Variants in MACROD2 observed in about 807,000 individuals in gnomAD.
The protein encoded by MACROD2 is mono-ADP ribosylhydrolase 2.
Under a neutral mutation model 70.4 loss-of-function variants are expected in MACROD2, and 36 were observed. The observed-to-expected ratio is 0.51, with a 90% CI of 0.39 to 0.68. The LOEUF is 0.68. Among genes scored for constraint, MACROD2 ranks in the 30% least tolerant of loss-of-function variants. The pLI, the probability that MACROD2 is intolerant of heterozygous loss-of-function variation, is 0.00. For synonymous variants in MACROD2, 172 were observed against 178.8 expected, an observed-to-expected ratio of 0.96 and a Z score of 0.30; for missense variants, 496 against 538.4, an observed-to-expected ratio of 0.92 and a Z score of 0.78.
At chr20:15,170,235 C>T (rs2076413702) in intron 5 of MACROD2, among the ~76,000 whole-genome samples, 1 of 152,168 alleles carries the variant, frequency 6.6e-6, no homozygotes, top group East Asian at 1.9e-4. Flanking sequence ...ATGTATTGTT[C>T]AGGGTTCAAT....
intron 6 of MACROD2, among the ~76,000 whole-genome samples, chr20:15,243,581 C>A (rs1264651535): frequency 6.6e-6 from 1 of 151,630 alleles, no homozygotes; most frequent in Non-Finnish European, 1.5e-5. Context: ...GTGGGGCCAA[C>A]TTGTAGTGGT....
intron 6 of MACROD2, among the ~76,000 whole-genome samples, chr20:15,376,348 C>T (rs979595838): frequency 5.3e-5 from 8 of 152,130 alleles, no homozygotes; most frequent in African/African-American, 1.9e-4. Flanking sequence ...CCTTTGATTG[C>T]TCAGCAGGTG....
intron 8 of MACROD2, among the ~76,000 whole-genome samples, chr20:15,726,632 G>A (rs977906206): frequency 6.6e-6 from 1 of 152,138 alleles, no homozygotes. Context: ...TCTGACTGGT[G>A]TGAGATGGTA....
intron 5 of MACROD2, among the ~76,000 whole-genome samples, chr20:15,143,853 G>C (rs2076210291): frequency 1.3e-5 from 2 of 151,230 alleles, no homozygotes; most frequent in Admixed American, 6.6e-5. Flanking sequence ...CTAGAGAAGG[G>C]GTGTTCAATC....
intron 8 of MACROD2, among the ~76,000 whole-genome samples, chr20:15,612,202 G>GC (rs1296836926): frequency 6.6e-6 from 1 of 152,152 alleles, no homozygotes; most frequent in African/African-American, 2.4e-5. Context: ...AGCCAATACA[G>GC]CTATAGCATG....
intron 3 of MACROD2, among the ~76,000 whole-genome samples, chr20:14,227,951 A>AT (rs1160935436): frequency 1.3e-5 from 2 of 152,166 alleles, no homozygotes; most frequent in African/African-American, 4.8e-5. Flanking sequence ...ATTTTAAAAA[A>AT]TTAATAGACT....
At chr20:14,959,708 T>A (rs1273962449) in intron 5 of MACROD2, among the ~76,000 whole-genome samples, 3 of 152,180 alleles carry the variant, frequency 2.0e-5, no homozygotes, top group Non-Finnish European at 4.4e-5. Flanking sequence ...TGAGCAGTAC[T>A]GTTTCGCAAC....
intron 3 of MACROD2, among the ~76,000 whole-genome samples, chr20:14,146,677 G>A (rs1331102809): frequency 6.6e-6 from 1 of 152,190 alleles, no homozygotes; most frequent in East Asian, 1.9e-4. Flanking sequence ...CAGGGAAATC[G>A]TGGAGAAGTC....
At chr20:14,721,897 C>T (rs2071474496) in intron 5 of MACROD2, among the ~76,000 whole-genome samples, 1 of 152,180 alleles carries the variant, frequency 6.6e-6, no homozygotes, top group African/African-American at 2.4e-5. Flanking sequence ...TCCTCCCCTT[C>T]TCTTAAGGAA....
intron 5 of MACROD2, among the ~76,000 whole-genome samples, chr20:14,808,250 A>G (rs1039520448): frequency 6.6e-6 from 1 of 152,166 alleles, no homozygotes; most frequent in Non-Finnish European, 1.5e-5. Context: ...CAGAAACTCT[A>G]CAATACAGAA....
intron 8 of MACROD2, among the ~76,000 whole-genome samples, chr20:15,811,062 G>T (rs2063815857): frequency 6.6e-6 from 1 of 151,206 alleles, no homozygotes; most frequent in South Asian, 2.1e-4. Flanking sequence ...AAAAGCAATG[G>T]CAACAAAAGC....
chr20:14,455,429 TACTC>T (rs1272573057), intron 3 of MACROD2, among the ~76,000 whole-genome samples: 1 of 151,862 alleles, frequency 6.6e-6, no homozygotes, highest in Admixed American at 6.6e-5. Flanking sequence ...AAGAAAGAAA[TACTC>T]TCATCAATCT....
intron 6 of MACROD2, among the ~76,000 whole-genome samples, chr20:15,263,569 G>A (rs929828727): frequency 6.6e-5 from 10 of 151,934 alleles, no homozygotes; most frequent in East Asian, 1.9e-4. Flanking sequence ...TGTGAAAAAC[G>A]TCATTGGCAT....
intron 3 of MACROD2, among the ~76,000 whole-genome samples, chr20:14,394,370 T>C (rs1260222536): frequency 1.3e-5 from 2 of 152,238 alleles, no homozygotes; most frequent in Non-Finnish European, 2.9e-5. Flanking sequence ...TTTTTGATGC[T>C]ATGGTAAATG....
rs2052623891 is a variant in MACROD2, at chr20:13,995,564, G to A, written c.-200G>A. 3.0e-6 allele frequency: 2 copies of A among 656,920 alleles called. No homozygotes were observed. Among genetic ancestry groups the A allele is most frequent in the East Asian group, 2.8e-5 (1 of 36,234 alleles). The allele number at this position is 656,920 out of a possible 1,614,324, so 40.7% of individuals were successfully genotyped here. A position where few individuals can be genotyped will look rare whatever the true frequency, so the allele number is the denominator to read the frequency against. ...GGCGGCGTCCGCGGGGCTGAGGCGGGTGGGAGCCGGAGCCGAGCGCGGGCT... is the reference window on the plus strand; with the variant it reads ...GGCGGCGTCCGCGGGGCTGAGGCGGATGGGAGCCGGAGCCGAGCGCGGGCT... On this transcript the variant is annotated 5_prime_UTR_variant, in exon 1 of 18. In the 5' UTR this introduces an upstream ATG that the reference lacks. Coordinates refer to ENST00000684519, the MANE Select transcript of MACROD2 (RefSeq NM_001351661.2). This position sits in a 1 kb window ranked among gnomAD's most constrained non-coding sequence, Gnocchi z 4.3.
At chr20:15,760,179 C>T (rs6105463) in intron 8 of MACROD2, among the ~76,000 whole-genome samples, 2,937 of 152,276 alleles carry the variant, frequency 0.019, 63 homozygotes, top group African/African-American at 0.054. Context: ...ATTGAATCAT[C>T]GTGAGGAGTG....
intron 4 of MACROD2, among the ~76,000 whole-genome samples, chr20:14,640,420 T>C (rs984481006): frequency 5.3e-5 from 8 of 152,190 alleles, no homozygotes; most frequent in East Asian, 1.9e-4. Flanking sequence ...TATTTTTTTT[T>C]CTAAGTTCAT....
At chr20:14,158,186 G>A (rs371348968) in intron 3 of MACROD2, among the ~76,000 whole-genome samples, 4 of 152,080 alleles carry the variant, frequency 2.6e-5, no homozygotes, top group African/African-American at 7.2e-5. Flanking sequence ...TAGTGATGTT[G>A]AGCATTTTTT....
At chr20:14,677,104 G>T (rs1262706896) in intron 4 of MACROD2, among the ~76,000 whole-genome samples, 2 of 151,862 alleles carry the variant, frequency 1.3e-5, no homozygotes, top group Non-Finnish European at 2.9e-5. Flanking sequence ...CTCTTTTCAG[G>T]ATCAACTTGT....
Sources: allele counts gnomAD v4.1 joint callset (sites outside exome capture counted in the v4.1 genomes callset), GRCh38; gene constraint gnomAD v4.1.1; non-coding constraint Gnocchi (gnomAD v3.1); transcripts MANE v1.5; gene names NCBI Gene and HGNC (gene_info 2026-07-23, HGNC 2026-07-21).